The following AHR variants were observed in gnomAD, a reference collection of about 807,000 sequenced individuals.
AHR encodes aryl hydrocarbon receptor.
AHR carries 40 observed loss-of-function variants against 86.8 expected under a neutral mutation model. The observed-to-expected ratio is 0.46, with a 90% confidence interval of 0.36 to 0.60. The LOEUF (loss-of-function observed/expected upper bound fraction) is 0.60, where lower values mean the gene tolerates loss of function less well. AHR is among the 20% of genes least tolerant of loss of function. The pLI, the probability that AHR is intolerant of heterozygous loss-of-function variation, is 0.00. For missense variants in AHR, 1,001 were observed against 1,011.6 expected, an observed-to-expected ratio of 0.99 and a Z score of 0.14; for synonymous variants, 398 against 354.9, an observed-to-expected ratio of 1.12 and a Z score of -1.37.
Position 17,344,984 on chromosome 7 carries a change from T to C in AHR, c.*1920T>C, listed in dbSNP as rs1782467059. On this transcript the variant is annotated 3_prime_UTR_variant, in exon 11 of 11. Coordinates refer to ENST00000242057, the MANE Select transcript of AHR (RefSeq NM_001621.5). ...GCTTAGACACATTTTGCATGTATTATTTGAAAATCTGATGGAATCCCAAAC... is the reference window on the plus strand; with the variant it reads ...GCTTAGACACATTTTGCATGTATTACTTGAAAATCTGATGGAATCCCAAAC... 6.6e-6 allele frequency: 1 copy of C among 152,076 alleles called. No individual in the cohort carries two copies. Among genetic ancestry groups the C allele is most frequent in the African/African-American group, 2.4e-5 (1 of 41,398 alleles). 9.4% of individuals were successfully genotyped at this position (152,076 alleles called of 1,614,324 possible).
At position 17,331,380 on chromosome 7, in the gene AHR, G is replaced by T. The variant is rs551555556; in HGVS notation, c.705+494G>T. Among the ~76,000 whole-genome samples the T allele has an allele frequency of 3.3e-5, 5 of 151,966 alleles. No individual in the cohort carries two copies. The East Asian group carries it at 7.7e-4, about 23-fold the overall frequency. Reference sequence around the variant, plus strand: ...ATCTGCTACCAAATAATTTGATAAAGGAAAGTAACATTTTAAAGTAATTAT... The same window carrying T: ...ATCTGCTACCAAATAATTTGATAAATGAAAGTAACATTTTAAAGTAATTAT... On this transcript the variant is annotated intron_variant, in intron 6 of 10. Transcript: ENST00000242057.
At chr7:17,304,583 A>G (rs1035939030) in intron 1 of AHR, among the ~76,000 whole-genome samples, 2 of 152,170 alleles carry the variant, frequency 1.3e-5, no homozygotes, top group African/African-American at 4.8e-5. Context: ...TCACAGAAAC[A>G]GAAGTGTCTT....
At chr7:17,313,492 G>T (rs1782086730) in intron 2 of AHR, among the ~76,000 whole-genome samples, 1 of 152,080 alleles carries the variant, frequency 6.6e-6, no homozygotes, top group Admixed American at 6.6e-5. Context: ...ATTTTTCCAA[G>T]AAAATACATC....
chr7:17,308,852 G>A (rs1782033262), intron 1 of AHR, among the ~76,000 whole-genome samples: 1 of 151,900 alleles, frequency 6.6e-6, no homozygotes, highest in African/African-American at 2.4e-5. Context: ...GTTTTGATTG[G>A]GTCATATTAA....
intron 9 of AHR, among the ~76,000 whole-genome samples, chr7:17,337,394 G>T (rs1234252026): frequency 6.6e-6 from 1 of 151,094 alleles, no homozygotes; most frequent in African/African-American, 2.4e-5. Context: ...TACATTTGTT[G>T]ATATTTTATG....
At chr7:17,313,553 T>C (rs143387657) in intron 2 of AHR, among the ~76,000 whole-genome samples, 98 of 152,282 alleles carry the variant, frequency 6.4e-4, no homozygotes, top group Non-Finnish European at 1.2e-3. Flanking sequence ...TCTTAAAGTT[T>C]GGAACCATGA....
In AHR at chr7:17,327,772, T is replaced by G; in HGVS notation, c.374T>G (p.Phe125Cys). The change falls in exon 4 of 11, where the codon TTT becomes TGT. Residue 125 changes from phenylalanine to cysteine, a missense_variant. Transcript: ENST00000242057. ...GEFLLQALNGFVLVVTTDALV... is the reference protein window; with the variant it reads ...GEFLLQALNGCVLVVTTDALV... ...CTTTCCTTGTAGGCTCTGAATGGCTTTGTATTAGTTGTCACTACAGATGCT... is the reference window on the plus strand; with the variant it reads ...CTTTCCTTGTAGGCTCTGAATGGCTGTGTATTAGTTGTCACTACAGATGCT... 6.4e-7 allele frequency: 1 copy of G among 1,565,962 alleles called. No individual in the cohort carries two copies. Among genetic ancestry groups the G allele is most frequent in the Non-Finnish European group, 8.7e-7 (1 of 1,149,238 alleles).
chr7:17,335,645 T>C lies in AHR; in HGVS notation c.1019T>C (p.Met340Thr). Residue 340 changes from methionine to threonine, a missense_variant and splice_region_variant, in exon 9 of 11, where the codon ATG becomes ACG. Around this residue, in one of 2 missense-constraint regions of AHR, gnomAD observed 394 missense variants for 468.5 expected, o/e 0.84. Transcript: ENST00000242057. ...ATTTAATTTTTTAATTTTATTTTAG[T>C]GATTAAGACTGGAGAAAGTGGCATG... ...MLYCAESHIR[M>T]IKTGESGMIV... 6.5e-7 allele frequency: 1 copy of C among 1,544,628 alleles called. No individual in the cohort carries two copies. The highest frequency in any genetic ancestry group is 8.7e-7 in the Non-Finnish European group (1 of 1,145,592).
chr7:17,339,053 G>A lies in AHR; in HGVS notation c.1228G>A (p.Glu410Lys). Residue 410 changes from glutamate to lysine, a missense_variant, in exon 10 of 11, where the codon GAA becomes AAA. Transcript: ENST00000242057. ...TKLPFMFTTG[E>K]AVLYEATNPF... is the part of the protein sequence containing the mutation. ...GTTGCCTTTTATGTTTACCACTGGA[G>A]AAGCTGTGTTGTATGAGGCAACCAA... is the stretch of plus-strand genomic sequence containing the variant. 1.2e-6 allele frequency: 2 copies of A among 1,614,138 alleles called. No homozygotes were observed. The highest frequency in any genetic ancestry group is 1.7e-6 in the Non-Finnish European group (2 of 1,180,008).
chr7:17,339,922 C>G lies in AHR; in HGVS notation c.2097C>G (p.Asn699Lys). The G allele has an allele frequency of 6.2e-7, 1 of 1,614,168 alleles. No individual in the cohort carries two copies. Among genetic ancestry groups the G allele is most frequent in the Non-Finnish European group, 8.5e-7 (1 of 1,180,022 alleles). ...SEMDSMPYTQ[N>K]FISCNQPVLP... Reference sequence around the variant, plus strand: ...TGGATTCTATGCCTTATACACAGAACTTTATTTCCTGTAATCAGCCTGTAT... The same window carrying G: ...TGGATTCTATGCCTTATACACAGAAGTTTATTTCCTGTAATCAGCCTGTAT... Residue 699 changes from asparagine (N) to lysine (K), a missense_variant, in exon 10 of 11, where the codon AAC becomes AAG. Transcript: ENST00000242057.
At chr7:17,309,634 G>GA (rs1342387573) in intron 1 of AHR, among the ~76,000 whole-genome samples, 1 of 152,056 alleles carries the variant, frequency 6.6e-6, no homozygotes, top group Admixed American at 6.6e-5. Context: ...TTTGAGAGGG[G>GA]AAAAAAATCC....
chr7:17,306,280 G>C (rs1408453985), intron 1 of AHR, among the ~76,000 whole-genome samples: 1 of 152,088 alleles, frequency 6.6e-6, no homozygotes, highest in East Asian at 1.9e-4. Context: ...TAATTGTTCT[G>C]TATATCTTCA....
chr7:17,299,424 C>A, intron 1 of AHR, 95 bp downstream of exon 1: 1 of 1,395,288 alleles, frequency 7.2e-7, no homozygotes. Context: ...TCCCTGCGAT[C>A]CTGGGATTAG....
chr7:17,322,257 A>G (rs1782182209), intron 2 of AHR, among the ~76,000 whole-genome samples: 1 of 151,992 alleles, frequency 6.6e-6, no homozygotes, highest in Non-Finnish European at 1.5e-5. Flanking sequence ...TATTTTTAAC[A>G]ATCTGTCAGC....
chr7:17,321,618 C>T (rs986383202), intron 2 of AHR, among the ~76,000 whole-genome samples: 6 of 149,568 alleles, frequency 4.0e-5, no homozygotes, highest in African/African-American at 1.2e-4. Flanking sequence ...CACACACACA[C>T]AGTGAGGAAA....
intron 3 of AHR, among the ~76,000 whole-genome samples, chr7:17,325,873 T>A (rs1782225035): frequency 6.6e-6 from 1 of 152,048 alleles, no homozygotes; most frequent in African/African-American, 2.4e-5. Flanking sequence ...GGTGATGAAA[T>A]AATCTGTACA....
intron 2 of AHR, among the ~76,000 whole-genome samples, chr7:17,314,667 A>G (rs542332831): frequency 1.3e-5 from 2 of 152,184 alleles, no homozygotes; most frequent in East Asian, 3.9e-4. Flanking sequence ...GTACATGTGT[A>G]TATGCAAAGA....
chr7:17,312,339 G>A (rs1782074042), intron 2 of AHR, among the ~76,000 whole-genome samples: 1 of 152,000 alleles, frequency 6.6e-6, no homozygotes, highest in South Asian at 2.1e-4. Context: ...CTTTGTAATG[G>A]GGAATCAAAT....
chr7:17,323,383 C>T (rs1416419231), intron 3 of AHR, among the ~76,000 whole-genome samples: 2 of 152,072 alleles, frequency 1.3e-5, no homozygotes, highest in Admixed American at 1.3e-4. Context: ...TAAAGATTTT[C>T]TCAACAACTC....
Sources: allele counts gnomAD v4.1 joint callset (sites outside exome capture counted in the v4.1 genomes callset), GRCh38; gene constraint gnomAD v4.1.1; regional missense constraint gnomAD v4.1.1; transcripts MANE v1.5; gene names NCBI Gene and HGNC (gene_info 2026-07-23, HGNC 2026-07-21).